EXOC6B: variants seen among roughly 807,000 people sequenced by gnomAD.
EXOC6B encodes exocyst complex component 6B.
Under a neutral mutation model 113.5 loss-of-function variants are expected in EXOC6B, and 54 were observed. The ratio of observed to expected loss-of-function variants is 0.48; its 90% CI spans 0.38 to 0.60. The LOEUF is 0.60. Among genes scored for constraint, EXOC6B ranks in the 20% least tolerant of loss-of-function variants. The pLI, the probability that EXOC6B is intolerant of heterozygous loss-of-function variation, is 0.00. For synonymous variants in EXOC6B, 357 were observed against 339.0 expected, an observed-to-expected ratio of 1.05 and a Z score of -0.58; for missense variants, 797 against 977.5, an observed-to-expected ratio of 0.82 and a Z score of 2.46.
At chr2:72,204,807 G>A (rs1679733333) in intron 20 of EXOC6B, among the ~76,000 whole-genome samples, 1 of 152,040 alleles carries the variant, frequency 6.6e-6, no homozygotes, top group African/African-American at 2.4e-5. Flanking sequence ...GTTTGGGGTG[G>A]GGGGAGTTAA....
intron 18 of EXOC6B, among the ~76,000 whole-genome samples, chr2:72,423,784 AAC>A (rs1026783814): frequency 9.9e-5 from 15 of 152,106 alleles, no homozygotes; most frequent in Admixed American, 9.8e-4. Flanking sequence ...CACACACATG[AAC>A]ACACACACTT....
chr2:72,401,526 T>TATATATATATACATATATAC (rs1693190991), intron 18 of EXOC6B, among the ~76,000 whole-genome samples: 1 of 3,978 alleles, frequency 2.5e-4, no homozygotes, highest in African/African-American at 2.5e-3. Flanking sequence ...CATATATACA[T>TATATATATATACATATATAC]ATATATATAT....
In EXOC6B at chr2:72,498,871, G is replaced by A. The variant is rs542450251; in HGVS notation, c.1240-320C>T. On this transcript the variant is annotated intron_variant, in intron 12 of 21. Transcript: ENST00000272427. The stretch of plus-strand genomic sequence containing the variant: ...ATAAGTCCTACTACCTATAGTAAGC[G>A]TTCACAGAAGGGAGAGAAAGTAAAA... 7.2e-5 allele frequency among the ~76,000 whole-genome samples: 11 copies of A among 152,104 alleles called. No homozygotes were observed. The East Asian group carries it at 1.2e-3, about 16-fold the overall frequency.
chr2:72,752,587 C>T (rs1037201494), intron 1 of EXOC6B, among the ~76,000 whole-genome samples: 11 of 148,420 alleles, frequency 7.4e-5, no homozygotes, highest in Non-Finnish European at 1.3e-4. Context: ...TTCCCTCTTC[C>T]CTCCCTCCCT....
At chr2:72,470,261 G>C (rs1344449932) in intron 17 of EXOC6B, among the ~76,000 whole-genome samples, 2 of 152,030 alleles carry the variant, frequency 1.3e-5, no homozygotes, top group Admixed American at 6.6e-5. Context: ...TCTTTCATCA[G>C]TGTTTTGTAG....
At chr2:72,727,611 A>G (rs76421070) in intron 5 of EXOC6B, among the ~76,000 whole-genome samples, 3,418 of 152,324 alleles carry the variant, frequency 0.022, 151 homozygotes, top group Admixed American at 0.099. Context: ...CTGTGGTTGC[A>G]TAGAAGAATG....
chr2:72,575,745 G>T (rs1030878095), intron 6 of EXOC6B, 77 bp from the exon 7 acceptor site: 1 of 1,314,400 alleles, frequency 7.6e-7, no homozygotes, highest in South Asian at 1.9e-5. Flanking sequence ...AAAAAGAAAA[G>T]AAACAAAACT....
At chr2:72,731,274 T>C (rs1411140496) in intron 3 of EXOC6B, 29 bp from the exon 4 acceptor site, 2 of 1,514,856 alleles carry the variant, frequency 1.3e-6, no homozygotes, top group African/African-American at 1.4e-5. Flanking sequence ...GACTGAATTA[T>C]GCCTATGGCT....
At chr2:72,816,256 A>G (rs1162518078) in intron 1 of EXOC6B, among the ~76,000 whole-genome samples, 1 of 80,204 alleles carries the variant, frequency 1.2e-5, no homozygotes, top group Non-Finnish European at 2.4e-5. Context: ...AAGGCTGGAA[A>G]TAATCCAAAT....
At chr2:72,539,046 G>A (rs987628990) in intron 8 of EXOC6B, among the ~76,000 whole-genome samples, 3 of 152,046 alleles carry the variant, frequency 2.0e-5, no homozygotes, top group African/African-American at 7.2e-5. Flanking sequence ...TTTGATCAAT[G>A]GGATAAGTTC....
intron 18 of EXOC6B, among the ~76,000 whole-genome samples, chr2:72,419,125 C>G (rs1694710508): frequency 6.6e-6 from 1 of 152,084 alleles, no homozygotes; most frequent in South Asian, 2.1e-4. Context: ...CTTTCAGTTG[C>G]TACTGTCAAC....
intron 6 of EXOC6B, among the ~76,000 whole-genome samples, chr2:72,672,061 TGGA>T (rs1675921274): frequency 6.6e-6 from 1 of 152,088 alleles, no homozygotes; most frequent in Admixed American, 6.5e-5. Context: ...GGCAAGGATA[TGGA>T]GGACGGGGTA....
intron 1 of EXOC6B, among the ~76,000 whole-genome samples, chr2:72,748,166 T>G (rs1455155209): frequency 6.6e-6 from 1 of 152,098 alleles, no homozygotes; most frequent in Admixed American, 6.6e-5. Flanking sequence ...CACAATGAAC[T>G]GAACATTTTG....
intron 15 of EXOC6B, among the ~76,000 whole-genome samples, 168 bp from the exon 16 acceptor site, chr2:72,492,597 T>C (rs1699805232): frequency 6.6e-6 from 1 of 151,864 alleles, no homozygotes; most frequent in Admixed American, 6.6e-5. Context: ...CTAGCTTTTG[T>C]TGGCTGAAAA....
intron 1 of EXOC6B, among the ~76,000 whole-genome samples, chr2:72,743,328 T>A (rs1681470232): frequency 6.6e-6 from 1 of 152,158 alleles, no homozygotes. Flanking sequence ...ATTAAAATCT[T>A]GATTCTTTAC....
intron 20 of EXOC6B, among the ~76,000 whole-genome samples, chr2:72,193,013 A>T (rs138438817): frequency 5.9e-5 from 9 of 152,312 alleles, no homozygotes; most frequent in Non-Finnish European, 1.2e-4. Context: ...AACATACAGA[A>T]CACTAACCCC....
chr2:72,281,156 A>G (rs1409312621), intron 20 of EXOC6B, among the ~76,000 whole-genome samples: 1 of 152,166 alleles, frequency 6.6e-6, no homozygotes, highest in East Asian at 1.9e-4. Context: ...ACCTTCGAAA[A>G]ACTACATTGC....
At chr2:72,706,281 C>CA (rs1282512881) in intron 6 of EXOC6B, among the ~76,000 whole-genome samples, 7 of 151,650 alleles carry the variant, frequency 4.6e-5, no homozygotes, top group South Asian at 2.1e-4. Flanking sequence ...TTCACCCCGC[C>CA]AAAAAAAACC....
At chr2:72,696,509 T>C (rs1167432388) in intron 6 of EXOC6B, among the ~76,000 whole-genome samples, 1 of 152,220 alleles carries the variant, frequency 6.6e-6, no homozygotes, top group Non-Finnish European at 1.5e-5. Flanking sequence ...CATTTCTCCA[T>C]GTTCTTGACT....
Sources: allele counts gnomAD v4.1 joint callset (sites outside exome capture counted in the v4.1 genomes callset), GRCh38; gene constraint gnomAD v4.1.1; transcripts MANE v1.5; gene names NCBI Gene and HGNC (gene_info 2026-07-23, HGNC 2026-07-21).